Variants in DMD observed in about 807,000 individuals in gnomAD.
DMD encodes dystrophin, also known as mutant dystrophin.
In DMD, 63 loss-of-function variants were observed where a neutral mutation model predicts 330.1. The ratio of observed to expected loss-of-function variants is 0.19; its 90% CI spans 0.16 to 0.24. The LOEUF is 0.24. Ranked by LOEUF, DMD falls within the 10% of genes least tolerant of loss-of-function variation. The pLI is 1.00. For missense variants in DMD, 3,344 were observed against 2,684.1 expected, an observed-to-expected ratio of 1.25 and a Z score of -5.43; for synonymous variants, 1,223 against 959.8, an observed-to-expected ratio of 1.27 and a Z score of -5.07.
At chrX:31,641,501 C>CAAAA (rs1048854739) in intron 54 of DMD, among the ~76,000 whole-genome samples, 14 of 33,542 alleles carry the variant, frequency 4.2e-4, no homozygotes, top group African/African-American at 7.9e-4. Flanking sequence ...GACTCCGTCT[C>CAAAA]AAAAAAAAAA....
At chrX:31,586,303 T>C (rs1292871799) in intron 55 of DMD, among the ~76,000 whole-genome samples, 1 of 112,490 alleles carries the variant, frequency 8.9e-6, no homozygotes, top group African/African-American at 3.2e-5. Flanking sequence ...AAAGTAAAAA[T>C]GCAACTGAAA....
At chrX:33,151,098 C>A (rs1009808940) in intron 1 of DMD, among the ~76,000 whole-genome samples, 1 of 112,498 alleles carries the variant, frequency 8.9e-6, no homozygotes, top group Admixed American at 9.4e-5. Flanking sequence ...GCATGGAGTT[C>A]AAATAGGCCA....
At chrX:32,093,842 C>T (rs2096490131) in intron 44 of DMD, among the ~76,000 whole-genome samples, 1 of 110,037 alleles carries the variant, frequency 9.1e-6, no homozygotes, top group Admixed American at 9.7e-5. Flanking sequence ...TTATGACTGT[C>T]AATAAAACCC....
At chrX:33,099,918 C>A (rs2095220219) in intron 1 of DMD, among the ~76,000 whole-genome samples, 1 of 110,839 alleles carries the variant, frequency 9.0e-6, no homozygotes, top group African/African-American at 3.3e-5. Flanking sequence ...AAAAAAAACC[C>A]AAACAGATTA....
chrX:31,584,512 C>T (rs1242426342), intron 55 of DMD, among the ~76,000 whole-genome samples: 4 of 111,694 alleles, frequency 3.6e-5, no homozygotes, highest in Admixed American at 2.9e-4. Context: ...TACATGCACA[C>T]GTATGTTCAC....
At chrX:31,345,188 G>A (rs914834161) in intron 61 of DMD, among the ~76,000 whole-genome samples, 2 of 111,890 alleles carry the variant, frequency 1.8e-5, no homozygotes, top group African/African-American at 6.5e-5. Flanking sequence ...GATGACTTCC[G>A]GGGCTGGCTC....
intron 12 of DMD, among the ~76,000 whole-genome samples, chrX:32,613,878 G>A (rs2057362332): frequency 9.0e-6 from 1 of 111,307 alleles, no homozygotes; most frequent in African/African-American, 3.3e-5. Flanking sequence ...TAGGAAGAAT[G>A]TACCTTTATT....
chrX:33,227,488 G>A (rs878859766), intron 1 of DMD, among the ~76,000 whole-genome samples: 3 of 110,776 alleles, frequency 2.7e-5, no homozygotes, highest in African/African-American at 6.5e-5. Context: ...CAACGATTGC[G>A]GTGCCTAAAG....
chrX:31,948,228 C>A (rs1395741237), intron 45 of DMD, among the ~76,000 whole-genome samples: 1 of 111,655 alleles, frequency 9.0e-6, no homozygotes, highest in African/African-American at 3.3e-5. Flanking sequence ...AAATAATATT[C>A]CCTGTATGAA....
At chrX:31,353,768 A>C (rs891500369) in intron 60 of DMD, among the ~76,000 whole-genome samples, 1 of 111,861 alleles carries the variant, frequency 8.9e-6, no homozygotes, top group African/African-American at 3.2e-5. Flanking sequence ...TCAGCAATTA[A>C]AGAAAGGAAA....
At chrX:32,178,962 CTCTCTCTCT>C (rs1569549020) in intron 44 of DMD, among the ~76,000 whole-genome samples, 2 of 104,243 alleles carry the variant, frequency 1.9e-5, no homozygotes, top group African/African-American at 3.6e-5. Flanking sequence ...CTCTCTCTCT[CTCTCTCTCT>C]CTCTCTCTCT....
At chrX:32,785,862 C>T (rs867075028) in intron 7 of DMD, among the ~76,000 whole-genome samples, 13 of 111,199 alleles carry the variant, frequency 1.2e-4, no homozygotes, top group African/African-American at 4.2e-4. Flanking sequence ...ATTTGTCTTT[C>T]TCTTCAGTCT....
chrX:31,866,979 G>A (rs2093808580), intron 48 of DMD, among the ~76,000 whole-genome samples: 1 of 110,153 alleles, frequency 9.1e-6, no homozygotes, highest in South Asian at 3.8e-4. Flanking sequence ...ACAGTGTATT[G>A]ATCAAAAATG....
chrX:31,490,511 G>A (rs933315422), intron 57 of DMD, among the ~76,000 whole-genome samples: 7 of 110,980 alleles, frequency 6.3e-5, no homozygotes, highest in Admixed American at 9.5e-5. Context: ...AGCCGAGATC[G>A]CACCGCTGCA....
At chrX:31,269,531 T>C (rs1177381243) in intron 62 of DMD, among the ~76,000 whole-genome samples, 1 of 111,751 alleles carries the variant, frequency 8.9e-6, no homozygotes, top group East Asian at 2.8e-4. Context: ...GCTCGAAGAC[T>C]CATGCGCTTA....
chrX:33,263,001 T>TA (rs2052984376), intron 1 of DMD, among the ~76,000 whole-genome samples: 1 of 110,409 alleles, frequency 9.1e-6, no homozygotes, highest in Non-Finnish European at 1.9e-5. Flanking sequence ...ATCAAATTGA[T>TA]AAAAATTATA....
Position 31,887,125 on chromosome X carries a change from CCT to C in DMD, c.6913-11754_6913-11753del, listed in dbSNP as rs1202826655. On this transcript the variant is annotated intron_variant, in intron 47 of 78. Coordinates refer to ENST00000357033, the MANE Select transcript of DMD (RefSeq NM_004006.3). ...TCCTGTTAACCACTGTACTATTTTA[CCT>C]CTCATTCCCTTTAGCTATATGACTT... Among the ~76,000 whole-genome samples the C allele has an allele frequency of 5.4e-5, 6 of 112,001 alleles. No individual in the cohort carries two copies. In the South Asian group the frequency reaches 1.5e-3, roughly 28 times the overall value.
chrX:32,126,671 A>G (rs2096663347), intron 44 of DMD, among the ~76,000 whole-genome samples: 1 of 112,070 alleles, frequency 8.9e-6, no homozygotes, highest in Admixed American at 9.5e-5. Flanking sequence ...TTAATTTTCA[A>G]AAACACAGAG....
chrX:31,579,664 A>G (rs1723814370), intron 55 of DMD, among the ~76,000 whole-genome samples: 1 of 112,549 alleles, frequency 8.9e-6, no homozygotes, highest in South Asian at 3.6e-4. Flanking sequence ...TTAAGGCTAA[A>G]AGCAGAAAAC....
Sources: gnomAD v4.1 joint callset for allele counts (sites outside exome capture counted in the v4.1 genomes callset) on GRCh38, gnomAD v4.1.1 for gene constraint, MANE v1.5 for transcripts, NCBI Gene and HGNC (gene_info 2026-07-23, HGNC 2026-07-21) for gene names.